Variants in FBXW11 observed in about 807,000 individuals in gnomAD.
FBXW11 encodes F-box/WD repeat-containing protein 11.
In FBXW11, 19 loss-of-function variants were observed where a neutral mutation model predicts 77.6. The ratio of observed to expected loss-of-function variants is 0.24; its 90% CI spans 0.17 to 0.36. The LOEUF is 0.36. Among genes scored for constraint, FBXW11 ranks in the 10% least tolerant of loss-of-function variants. The pLI is 1.00. For missense variants in FBXW11, 334 were observed against 704.2 expected (o/e 0.47, Z 5.95); for synonymous variants, 235 against 249.4 (o/e 0.94, Z 0.54).
intron 4 of FBXW11, among the ~76,000 whole-genome samples, chr5:171,907,764 A>C (rs1760624271): frequency 6.6e-6 from 1 of 152,256 alleles, no homozygotes. Flanking sequence ...CGCTGTAATG[A>C]AAACTGAATT....
chr5:171,914,332 G>A lies in FBXW11; in HGVS notation c.210+11C>T, dbSNP rs375518581. 3.1e-5 allele frequency: 50 copies of A among 1,598,742 alleles called. No homozygotes were observed. Among genetic ancestry groups the A allele is most frequent in the Admixed American group, 6.9e-5 (4 of 57,762 alleles). On this transcript the variant is annotated intron_variant, in intron 3 of 13. Transcript: ENST00000517395. ...TCAGTTGCTATCTAATCTGTGCGCC[G>A]TCATTCCTACCTGCCAAAGAGTATT...
intron 1 of FBXW11, among the ~76,000 whole-genome samples, chr5:171,997,407 C>T (rs1309592205): frequency 6.6e-6 from 1 of 152,172 alleles, no homozygotes; most frequent in Non-Finnish European, 1.5e-5. Context: ...TTTTCTAAGA[C>T]AGCTCCTCCA....
At chr5:171,984,389 A>G (rs921024517) in intron 1 of FBXW11, among the ~76,000 whole-genome samples, 10 of 152,370 alleles carry the variant, frequency 6.6e-5, no homozygotes, top group African/African-American at 2.4e-4. Flanking sequence ...CCGGAAGCTT[A>G]TTACACAGTA....
chr5:171,976,961 G>A (rs986532065), intron 1 of FBXW11, among the ~76,000 whole-genome samples: 10 of 151,820 alleles, frequency 6.6e-5, no homozygotes, highest in South Asian at 4.2e-4. Context: ...CAGGAGAGTC[G>A]CTTGAACCTA....
At chr5:171,944,630 G>A (rs568730174) in intron 2 of FBXW11, among the ~76,000 whole-genome samples, 1 of 148,802 alleles carries the variant, frequency 6.7e-6, no homozygotes, top group African/African-American at 2.5e-5. Flanking sequence ...TATTAAGAAT[G>A]GTACTCCATA....
At chr5:171,981,371 T>C (rs897073970) in intron 1 of FBXW11, among the ~76,000 whole-genome samples, 1 of 152,156 alleles carries the variant, frequency 6.6e-6, no homozygotes, top group Non-Finnish European at 1.5e-5. Flanking sequence ...TTTCCCTGAG[T>C]TCTGTGAGCC....
At chr5:171,956,603 A>G (rs2113312712) in intron 2 of FBXW11, among the ~76,000 whole-genome samples, 1 of 152,328 alleles carries the variant, frequency 6.6e-6, no homozygotes, top group Non-Finnish European at 1.5e-5. Context: ...CCCCAGCTCC[A>G]TTTAAAAATT....
At chr5:171,990,014 G>T (rs1306798067) in intron 1 of FBXW11, among the ~76,000 whole-genome samples, 1 of 152,052 alleles carries the variant, frequency 6.6e-6, no homozygotes, top group Non-Finnish European at 1.5e-5. Flanking sequence ...TGAAAACTTA[G>T]GGGTTAAGTA....
chr5:171,899,891 G>A (rs762325284), intron 5 of FBXW11, 23 bp downstream of exon 5: 2 of 1,554,284 alleles, frequency 1.3e-6, no homozygotes, highest in Admixed American at 1.9e-5. Flanking sequence ...TTTTTCAAGG[G>A]AACAAGCAAC....
chr5:171,962,078 T>G (rs1763941462), intron 1 of FBXW11, among the ~76,000 whole-genome samples: 1 of 152,224 alleles, frequency 6.6e-6, no homozygotes, highest in African/African-American at 2.4e-5. Context: ...TTTCTTCATA[T>G]TAGCTAAATT....
intron 4 of FBXW11, among the ~76,000 whole-genome samples, chr5:171,900,642 T>C (rs1760052368): frequency 6.6e-6 from 1 of 152,170 alleles, no homozygotes. Flanking sequence ...CACCGACTCA[T>C]CTTGAAAAAC....
chr5:171,995,031 A>C (rs1355112986), intron 1 of FBXW11, among the ~76,000 whole-genome samples: 2 of 152,220 alleles, frequency 1.3e-5, no homozygotes, highest in Non-Finnish European at 2.9e-5. Context: ...GAAAGTATTA[A>C]ATTAAAACAA....
chr5:171,892,684 C>G (rs1031135423), intron 6 of FBXW11, among the ~76,000 whole-genome samples: 1 of 152,184 alleles, frequency 6.6e-6, no homozygotes, highest in Non-Finnish European at 1.5e-5. Flanking sequence ...ACCAGAAGAC[C>G]TAACCTCTGG....
chr5:171,979,993 G>A (rs1284613485), intron 1 of FBXW11, among the ~76,000 whole-genome samples: 1 of 152,186 alleles, frequency 6.6e-6, no homozygotes, highest in Non-Finnish European at 1.5e-5. Flanking sequence ...AAAGGAAGAA[G>A]GAAGTAACTT....
chr5:171,991,086 A>G (rs1174353928), intron 1 of FBXW11, among the ~76,000 whole-genome samples: 7 of 152,156 alleles, frequency 4.6e-5, no homozygotes, highest in Admixed American at 4.6e-4. Flanking sequence ...TCAGCCTCCC[A>G]AAGTGCTGGG....
intron 1 of FBXW11, among the ~76,000 whole-genome samples, chr5:171,961,709 T>G (rs1203106290): frequency 6.6e-6 from 1 of 152,118 alleles, no homozygotes; most frequent in African/African-American, 2.4e-5. Context: ...TGCGGTGGCA[T>G]GATCTTGGCT....
chr5:171,884,115 G>T (rs184703442), intron 7 of FBXW11, among the ~76,000 whole-genome samples: 171 of 152,260 alleles, frequency 1.1e-3, no homozygotes, highest in Non-Finnish European at 1.6e-3. Flanking sequence ...CCTTGCCTAA[G>T]CCAATGTCTA....
Position 171,891,447 on chromosome 5 carries a change from T to C in FBXW11, c.852+20A>G, listed in dbSNP as rs773335882. 1.3e-6 allele frequency: 2 copies of C among 1,563,782 alleles called. No homozygotes were observed. The highest frequency in any genetic ancestry group is 1.2e-5 in the South Asian group (1 of 82,082). ...TAGCCACGATTCTAAAAATAATACA[T>C]AAAAAATTCAGTCATTCACCTTAAT... is the stretch of plus-strand genomic sequence containing the variant. On this transcript the variant is annotated intron_variant, in intron 7 of 13. Coordinates refer to ENST00000517395, the MANE Select transcript of FBXW11 (RefSeq NM_001378974.1).
chr5:171,961,567 T>C (rs1763910849), intron 1 of FBXW11, among the ~76,000 whole-genome samples: 1 of 152,176 alleles, frequency 6.6e-6, no homozygotes, highest in Non-Finnish European at 1.5e-5. Flanking sequence ...TGATCCAATT[T>C]GAAAATAATG....
Sources: gnomAD v4.1 joint callset for allele counts (sites outside exome capture counted in the v4.1 genomes callset) on GRCh38, gnomAD v4.1.1 for gene constraint, MANE v1.5 for transcripts, NCBI Gene and HGNC (gene_info 2026-07-23, HGNC 2026-07-21) for gene names.